Variants in NCALD observed in about 807,000 individuals in gnomAD.
The protein encoded by NCALD is neurocalcin-delta.
In NCALD, 10 loss-of-function variants were observed where a neutral mutation model predicts 18.6. That is an observed-to-expected ratio of 0.54 (90% CI 0.33 to 0.91). The LOEUF is 0.91. Ranked by LOEUF, NCALD falls within the 40% of genes least tolerant of loss-of-function variation. The pLI, the probability that NCALD is intolerant of heterozygous loss-of-function variation, is 0.03. For missense variants in NCALD, 184 were observed against 247.6 expected, an observed-to-expected ratio of 0.74 and a Z score of 1.72; for synonymous variants, 88 against 87.4, an observed-to-expected ratio of 1.01 and a Z score of -0.04.
intron 1 of NCALD, among the ~76,000 whole-genome samples, chr8:101,789,885 C>T (rs1363825024): frequency 6.6e-6 from 1 of 152,010 alleles, no homozygotes; most frequent in African/African-American, 2.4e-5. Context: ...AAAGGAACTA[C>T]AATACAAAGA....
At chr8:101,755,415 GC>G (rs1212626319) in intron 1 of NCALD, among the ~76,000 whole-genome samples, 1 of 152,094 alleles carries the variant, frequency 6.6e-6, no homozygotes, top group Non-Finnish European at 1.5e-5. Context: ...TGTCAACCAC[GC>G]CCAGCACAGC....
intron 1 of NCALD, among the ~76,000 whole-genome samples, chr8:102,105,264 C>T (rs568459647): frequency 6.6e-6 from 1 of 151,962 alleles, no homozygotes; most frequent in African/African-American, 2.4e-5. Context: ...GTAAAGATAA[C>T]AAAAAATGTT....
At chr8:101,935,658 A>T (rs1218386593) in intron 2 of NCALD, among the ~76,000 whole-genome samples, 1 of 152,046 alleles carries the variant, frequency 6.6e-6, no homozygotes, top group African/African-American at 2.4e-5. Flanking sequence ...TGGGGAGGTA[A>T]TTCTGAGTGG....
At chr8:101,919,196 A>G (rs1012992654) in intron 2 of NCALD, among the ~76,000 whole-genome samples, 1 of 152,218 alleles carries the variant, frequency 6.6e-6, no homozygotes, top group Admixed American at 6.5e-5. Context: ...AAACCAATGG[A>G]ACAGAATAGA....
At chr8:101,992,189 T>TG in intron 2 of NCALD, among the ~76,000 whole-genome samples, 1 of 152,294 alleles carries the variant, frequency 6.6e-6, no homozygotes, top group Admixed American at 6.5e-5. Context: ...GATGTGCTGG[T>TG]ACTACTCAAA....
At chr8:101,815,829 C>G (rs1813474798) in intron 4 of NCALD, among the ~76,000 whole-genome samples, 1 of 152,100 alleles carries the variant, frequency 6.6e-6, no homozygotes, top group African/African-American at 2.4e-5. Flanking sequence ...GATGTCCAAA[C>G]AAAAACCTGT....
intron 1 of NCALD, among the ~76,000 whole-genome samples, chr8:102,052,400 G>A (rs948390806): frequency 6.6e-6 from 1 of 152,148 alleles, no homozygotes; most frequent in Non-Finnish European, 1.5e-5. Flanking sequence ...GCTCCCTCTT[G>A]ACTGCCTGGA....
chr8:101,980,254 T>G (rs1475150024), intron 2 of NCALD, among the ~76,000 whole-genome samples: 1 of 152,012 alleles, frequency 6.6e-6, no homozygotes, highest in East Asian at 1.9e-4. Context: ...AAAGTGGAGG[T>G]GGGGCGCACA....
intron 2 of NCALD, among the ~76,000 whole-genome samples, chr8:102,015,679 C>G (rs766848365): frequency 6.6e-6 from 1 of 152,034 alleles, no homozygotes. Context: ...CACAAGGCAA[C>G]GAAGTGAACT....
intron 2 of NCALD, among the ~76,000 whole-genome samples, chr8:101,940,897 T>TG (rs1210749453): frequency 2.0e-5 from 3 of 152,192 alleles, no homozygotes; most frequent in African/African-American, 7.2e-5. Flanking sequence ...AACAGGACCT[T>TG]GAGTTGATAG....
chr8:101,832,978 C>T (rs1461918609), intron 4 of NCALD, among the ~76,000 whole-genome samples: 2 of 152,162 alleles, frequency 1.3e-5, no homozygotes, highest in East Asian at 3.8e-4. Flanking sequence ...ATATTGTGGC[C>T]ATGTTTAAGT....
intron 1 of NCALD, among the ~76,000 whole-genome samples, chr8:102,106,305 C>T (rs553520974): frequency 3.3e-5 from 5 of 152,038 alleles, no homozygotes; most frequent in African/African-American, 1.2e-4. Context: ...AACTCCTGAC[C>T]TCATGTGATC....
At chr8:101,878,946 G>A (rs1816347027) in intron 4 of NCALD, among the ~76,000 whole-genome samples, 1 of 152,208 alleles carries the variant, frequency 6.6e-6, no homozygotes, top group Non-Finnish European at 1.5e-5. Context: ...GGAACTTAGA[G>A]TCTAAGACAG....
chr8:101,688,595 C>T lies in NCALD; in HGVS notation c.*714G>A. On this transcript the variant is annotated 3_prime_UTR_variant, in exon 4 of 4. Transcript: ENST00000220931. ...ATACAGCCGTCTTTTTATTTTATCA[C>T]AATAGGCAACAAGATGGGTCTGGTT... is the stretch of plus-strand genomic sequence containing the variant. 2 of 454,158 alleles carry T rather than the reference C, an allele frequency of 4.4e-6. No individual in the cohort carries two copies. The highest frequency in any genetic ancestry group is 8.8e-6 in the Non-Finnish European group (2 of 226,152). 28.1% of individuals were successfully genotyped at this position (454,158 alleles called of 1,614,324 possible).
chr8:102,058,091 C>A (rs1823717925), intron 1 of NCALD, among the ~76,000 whole-genome samples: 1 of 152,174 alleles, frequency 6.6e-6, no homozygotes, highest in Non-Finnish European at 1.5e-5. Context: ...CCAGCAAGGT[C>A]TCCTTTTATG....
chr8:101,762,216 G>C (rs1290403230), intron 1 of NCALD, among the ~76,000 whole-genome samples: 5 of 151,982 alleles, frequency 3.3e-5, no homozygotes, highest in Non-Finnish European at 5.9e-5. Context: ...CCCCCCCACA[G>C]AGCCTTCATA....
At position 102,082,754 on chromosome 8, in the gene NCALD, G is replaced by C. The variant is rs145951074; in HGVS notation, c.-210+41483C>G. Among the ~76,000 whole-genome samples the C allele has an allele frequency of 9.1e-3, 1,381 of 152,226 alleles. 12 individuals carry two copies. Among genetic ancestry groups the C allele is most frequent in the Non-Finnish European group, 0.014 (937 of 68,018 alleles). ...TTCAAGACCACATGGTGGTTAAATAGAAGCCTATTCACTTCAGAAGATTTC... is the reference window on the plus strand; with the variant it reads ...TTCAAGACCACATGGTGGTTAAATACAAGCCTATTCACTTCAGAAGATTTC... On this transcript the variant is annotated intron_variant, in intron 1 of 6. Coordinates refer to the NCALD transcript ENST00000311028.
At chr8:102,036,145 AT>A (rs1440449279) in intron 1 of NCALD, among the ~76,000 whole-genome samples, 8 of 145,750 alleles carry the variant, frequency 5.5e-5, no homozygotes, top group Admixed American at 2.0e-4. Context: ...AAATAAATAA[AT>A]TAATTAATTA....
At chr8:101,796,376 G>A (rs1812639652) in intron 4 of NCALD, among the ~76,000 whole-genome samples, 1 of 152,110 alleles carries the variant, frequency 6.6e-6, no homozygotes, top group African/African-American at 2.4e-5. Context: ...AATATAGGTA[G>A]ACTCAAGTTA....
Sources: gnomAD v4.1 joint callset for allele counts (sites outside exome capture counted in the v4.1 genomes callset) on GRCh38, gnomAD v4.1.1 for gene constraint, MANE v1.5 for transcripts, NCBI Gene and HGNC (gene_info 2026-07-23, HGNC 2026-07-21) for gene names.